The following TLN2 variants were observed in gnomAD, a reference collection of about 807,000 sequenced individuals.
The protein encoded by TLN2 is talin-2.
In TLN2, 118 loss-of-function variants were observed where a neutral mutation model predicts 294.7. The observed-to-expected ratio is 0.40, with a 90% CI of 0.34 to 0.47. The LOEUF is 0.47. Ranked by LOEUF, TLN2 falls within the 20% of genes least tolerant of loss-of-function variation. TLN2 has a pLI of 0.84. For missense variants in TLN2, 3,083 were observed against 3,282.2 expected (o/e 0.94, Z 1.48); for synonymous variants, 1,431 against 1,304.5 (o/e 1.10, Z -2.09).
intron 1 of TLN2, among the ~76,000 whole-genome samples, chr15:62,412,202 C>T (rs756768719): frequency 1.3e-5 from 2 of 152,176 alleles, no homozygotes; most frequent in Non-Finnish European, 2.9e-5. Flanking sequence ...TCATGTTAAT[C>T]AGATCCCGAG....
chr15:62,756,366 C>T (rs994542528), intron 37 of TLN2, among the ~76,000 whole-genome samples: 7 of 152,178 alleles, frequency 4.6e-5, no homozygotes, highest in East Asian at 3.9e-4. Flanking sequence ...TGTAGGTGGG[C>T]GATGAAGCCA....
intron 34 of TLN2, among the ~76,000 whole-genome samples, chr15:62,751,083 T>C (rs2140995484): frequency 6.6e-6 from 1 of 152,064 alleles, no homozygotes; most frequent in South Asian, 2.1e-4. Flanking sequence ...CTCAACAAAA[T>C]CTTATTCTTT....
chr15:62,671,816 A>G (rs558070601), intron 9 of TLN2, among the ~76,000 whole-genome samples: 1 of 152,308 alleles, frequency 6.6e-6, no homozygotes, highest in South Asian at 2.1e-4. Flanking sequence ...GGGTTTGGCT[A>G]ATTGTATCCT....
rs774454182 is a variant in TLN2 at position 62,755,567 on chromosome 15, G to A, written c.4512G>A (p.Thr1504=). The A allele has an allele frequency of 4.5e-5, 72 of 1,614,068 alleles. No individual in the cohort carries two copies. The highest frequency in any genetic ancestry group is 5.8e-5 in the Non-Finnish European group (69 of 1,180,024). Residue 1504 remains threonine, a synonymous_variant, in exon 37 of 59, where the codon ACG becomes ACA. Transcript: ENST00000636159. ...CCGCCACAATTGTTGCCAAGCACAC[G>A]TCAGCCTTGTGCAATGCCTGCCGCA... is the stretch of plus-strand genomic sequence containing the variant. ...LSAATIVAKH[T]SALCNACRIA...
Position 62,796,256 on chromosome 15 carries a change from C to G in TLN2, c.6013C>G (p.Leu2005Val). ...TTIMFATAGT[L>V]NAENSETFAD... ...CATTATGTTTGCAACAGCGGGGACG[C>G]TGAATGCAGAGAACAGTGAGACCTT... is the stretch of plus-strand genomic sequence containing the variant. The change falls in exon 47 of 59, where the codon CTG becomes GTG. Residue 2005 changes from leucine to valine, a missense_variant. Physicochemically the swap from Leu to Val is conservative, Grantham distance 32. Transcript: ENST00000636159. 6.2e-7 allele frequency: 1 copy of G among 1,614,206 alleles called. No individual in the cohort carries two copies. The highest frequency in any genetic ancestry group is 8.5e-7 in the Non-Finnish European group (1 of 1,180,032).
At chr15:62,590,584 CT>C (rs1245065930) in intron 2 of TLN2, among the ~76,000 whole-genome samples, 1 of 152,116 alleles carries the variant, frequency 6.6e-6, no homozygotes, top group African/African-American at 2.4e-5. Context: ...CTCCAGTAGT[CT>C]TTGAACTGAA....
chr15:62,540,707 A>G (rs771691457), intron 1 of TLN2, among the ~76,000 whole-genome samples: 5 of 152,128 alleles, frequency 3.3e-5, no homozygotes, highest in South Asian at 2.1e-4. Context: ...CCAGAATGCA[A>G]TGGGCCTTTC....
chr15:62,475,756 G>T (rs2037751863), intron 1 of TLN2, among the ~76,000 whole-genome samples: 1 of 152,192 alleles, frequency 6.6e-6, no homozygotes, highest in Admixed American at 6.5e-5. Flanking sequence ...TTTGGCTGGT[G>T]CAAGTCATTT....
rs145558746 is a variant in TLN2 at position 62,522,649 on chromosome 15, C to A, written c.-237-67038C>A. On this transcript the variant is annotated intron_variant, in intron 1 of 58. Coordinates refer to ENST00000636159, the MANE Select transcript of TLN2 (RefSeq NM_015059.3). The stretch of plus-strand genomic sequence containing the variant: ...AAAAAGCAAATTTCTGACTTGTTAA[C>A]CCCCGAGGCTTTCTAAGAATGTTCT... 7.2e-3 allele frequency among the ~76,000 whole-genome samples: 1,098 copies of A among 152,104 alleles called. 9 individuals are homozygous for A. Among genetic ancestry groups the A allele is most frequent in the African/African-American group, 0.024 (1,005 of 41,496 alleles).
intron 1 of TLN2, among the ~76,000 whole-genome samples, chr15:62,585,570 G>T (rs1186535478): frequency 6.6e-6 from 1 of 152,122 alleles, no homozygotes; most frequent in Non-Finnish European, 1.5e-5. Flanking sequence ...AGGCATTTTA[G>T]GTGTAGCTTT....
chr15:62,658,085 G>T, intron 9 of TLN2, 187 bp downstream of exon 9: 1 of 439,686 alleles, frequency 2.3e-6, no homozygotes, highest in Non-Finnish European at 3.9e-6. Context: ...AAATTCAGAA[G>T]TTTCTTTTGC....
In TLN2 at chr15:62,758,640, T is replaced by C. The variant is rs1430432787; in HGVS notation, c.4638+2947T>C. On this transcript the variant is annotated intron_variant, in intron 37 of 58. Transcript: ENST00000636159. ...CACAGACACCCGATCCAGCTCTCTT[T>C]AATCGAATTTGACTTGGCTGTGAGT... The C allele has an allele frequency of 2.6e-5, 4 of 152,274 alleles. No homozygotes were observed. The South Asian group carries it at 8.3e-4, about 32-fold the overall frequency. 9.4% of individuals were successfully genotyped at this position (152,274 alleles called of 1,614,324 possible). A position where few individuals can be genotyped will look rare whatever the true frequency, so the allele number is the denominator to read the frequency against.
At chr15:62,788,499 C>T in intron 45 of TLN2, among the ~76,000 whole-genome samples, 1 of 152,136 alleles carries the variant, frequency 6.6e-6, no homozygotes, top group Non-Finnish European at 1.5e-5. Context: ...ATGTCAGATG[C>T]TGTGATGGGC....
rs558079218 is a variant in TLN2 at position 62,715,720 on chromosome 15, A to G, written c.2635-611A>G. Among the ~76,000 whole-genome samples, 4 of 152,280 alleles carry G rather than the reference A, an allele frequency of 2.6e-5. No individual in the cohort carries two copies. The East Asian group carries it at 7.7e-4, about 29-fold the overall frequency. On this transcript the variant is annotated intron_variant, in intron 22 of 58. Coordinates refer to ENST00000636159, the MANE Select transcript of TLN2 (RefSeq NM_015059.3). The stretch of plus-strand genomic sequence containing the variant: ...TACATTTCTCTCATTAATTCAGTAC[A>G]TTTGGATACCATCTCGACTTTATAC...
intron 32 of TLN2, among the ~76,000 whole-genome samples, chr15:62,747,209 A>G (rs1355235502): frequency 6.6e-6 from 1 of 152,262 alleles, no homozygotes; most frequent in Non-Finnish European, 1.5e-5. Context: ...GGAGGGACAG[A>G]GTCCTTGTCA....
intron 1 of TLN2, among the ~76,000 whole-genome samples, chr15:62,510,274 T>C (rs2039861240): frequency 6.6e-6 from 1 of 152,188 alleles, no homozygotes; most frequent in South Asian, 2.1e-4. Flanking sequence ...AGAAGGGTTC[T>C]GAAGTGGTGG....
At chr15:62,819,074 G>T (rs2141201237) in intron 52 of TLN2, among the ~76,000 whole-genome samples, 1 of 152,034 alleles carries the variant, frequency 6.6e-6, no homozygotes, top group South Asian at 2.1e-4. Flanking sequence ...TGACCAGGCT[G>T]GTCTTGAACT....
rs1289661718 is a variant in TLN2 at position 62,840,637 on chromosome 15, AG to A, written c.*31del. On this transcript the variant is annotated 3_prime_UTR_variant, in exon 59 of 59. Transcript: ENST00000636159. Reference sequence around the variant, plus strand: ...GGTGCGAGCCCAGATGGCGAGCCCCAGGGGATGGCCCTGGCTGAACTGGACA... The same window carrying A: ...GGTGCGAGCCCAGATGGCGAGCCCCAGGGATGGCCCTGGCTGAACTGGACA... 1 of 1,610,570 alleles carries A rather than the reference AG, an allele frequency of 6.2e-7. No individual in the cohort carries two copies. Among genetic ancestry groups the A allele is most frequent in the Non-Finnish European group, 8.5e-7 (1 of 1,178,244 alleles).
At chr15:62,633,400 C>T (rs148138472) in intron 3 of TLN2, among the ~76,000 whole-genome samples, 4 of 152,304 alleles carry the variant, frequency 2.6e-5, no homozygotes, top group East Asian at 3.9e-4. Context: ...GAGCTTAAAC[C>T]GTCCTCCTAC....
Sources: gnomAD v4.1 joint callset for allele counts (sites outside exome capture counted in the v4.1 genomes callset) on GRCh38, gnomAD v4.1.1 for gene constraint, MANE v1.5 for transcripts, NCBI Gene and HGNC (gene_info 2026-07-23, HGNC 2026-07-21) for gene names.